The following ZNF845 variants were observed in gnomAD, a reference collection of about 807,000 sequenced individuals.
ZNF845 encodes zinc finger protein 845.
ZNF845 carries 59 observed loss-of-function variants against 76.1 expected under a neutral mutation model. The ratio of observed to expected loss-of-function variants is 0.78; its 90% CI spans 0.63 to 0.96. The LOEUF (loss-of-function observed/expected upper bound fraction) is 0.96. ZNF845 is among the 40% of genes least tolerant of loss of function. ZNF845 has a pLI of 0.00. For missense variants in ZNF845, 1,045 were observed against 1,172.8 expected, an observed-to-expected ratio of 0.89 and a Z score of 1.59; for synonymous variants, 361 against 386.9, an observed-to-expected ratio of 0.93 and a Z score of 0.78.
chr19:53,343,305 C>G (rs1164309938), intron 2 of ZNF845, among the ~76,000 whole-genome samples: 1 of 152,212 alleles, frequency 6.6e-6, no homozygotes, highest in Non-Finnish European at 1.5e-5. Flanking sequence ...TTGACATCTG[C>G]ATTAGAAATT....
rs1021325910 is a variant in ZNF845, at chr19:53,355,467, G to T, written c.*1879G>T. On this transcript the variant is annotated 3_prime_UTR_variant, in exon 4 of 4. Coordinates refer to ENST00000458035, the MANE Select transcript of ZNF845 (RefSeq NM_138374.3). The stretch of plus-strand genomic sequence containing the variant: ...GGGGTTTCACCATGTTGGCCCAGAT[G>T]GTGGGCCAACATGGTGAGTACCTTG... 6.6e-6 allele frequency: 1 copy of T among 151,572 alleles called. No homozygotes were observed. The highest frequency in any genetic ancestry group is 2.4e-5 in the African/African-American group (1 of 41,248). 9.4% of individuals were successfully genotyped at this position (151,572 alleles called of 1,614,324 possible). A position where few individuals can be genotyped will look rare whatever the true frequency, so the allele number is the denominator to read the frequency against.
intron 1 of ZNF845, among the ~76,000 whole-genome samples, chr19:53,334,578 G>A (rs7343177): frequency 0.4 from 60,716 of 151,408 alleles, 12,298 homozygotes; most frequent in East Asian, 0.44. Flanking sequence ...TGAGAGATAT[G>A]TACAGAATTA....
rs752222983 is a variant in ZNF845 at position 53,352,634 on chromosome 19, T to A, written c.1959T>A (p.His653Gln). ...GTTTCAAATCAAACCTTCAAAGACA[T>A]AGGAGAATTCATACTGGAGAGAAAC... ...AFSFKSNLQR[H>Q]RRIHTGEKPY... is the part of the protein sequence containing the mutation. Residue 653 changes from histidine to glutamine, a missense_variant, in exon 4 of 4, where the codon CAT becomes CAA. By Grantham distance (24) the His-to-Gln change is conservative. Transcript: ENST00000458035. The A allele has an allele frequency of 1.9e-6, 3 of 1,613,414 alleles. No homozygotes were observed. The highest frequency in any genetic ancestry group is 2.5e-6 in the Non-Finnish European group (3 of 1,179,830).
At position 53,352,322 on chromosome 19, in the gene ZNF845, A is replaced by T. The variant is rs748481021; in HGVS notation, c.1647A>T (p.Lys549Asn). 13 of 1,613,750 alleles carry T rather than the reference A, an allele frequency of 8.1e-6. No individual in the cohort carries two copies. The highest frequency in any genetic ancestry group is 1.0e-5 in the Non-Finnish European group (12 of 1,179,924). ...TRHCRLHTGEKPYQCNECGKA... is the reference protein window; with the variant it reads ...TRHCRLHTGENPYQCNECGKA... ...ATTGTAGACTTCATACTGGAGAGAA[A>T]CCTTACCAGTGTAATGAGTGTGGCA... Residue 549 changes from lysine to asparagine, a missense_variant, in exon 4 of 4, where the codon AAA (lysine) becomes AAT (asparagine). By Grantham distance (94) the Lys-to-Asn change is moderately conservative (BLOSUM62 0). Transcript: ENST00000458035.
intron 1 of ZNF845, among the ~76,000 whole-genome samples, chr19:53,335,306 G>A (rs1336084181): frequency 1.3e-5 from 2 of 152,138 alleles, no homozygotes; most frequent in Non-Finnish European, 2.9e-5. Flanking sequence ...TGTCGCCCAG[G>A]CTGGGGTGCA....
At position 53,352,211 on chromosome 19, in the gene ZNF845, A is replaced by G. The variant is rs772543681; in HGVS notation, c.1536A>G (p.Arg512=). Residue 512 remains arginine, a synonymous_variant, in exon 4 of 4, where the codon AGA becomes AGG. Coordinates refer to ENST00000458035, the MANE Select transcript of ZNF845 (RefSeq NM_138374.3). ...EAFSFKSNLE[R]HRIIHTGEKL... ...TCAGTTTCAAATCAAACCTTGAAAG[A>G]CATAGGATAATTCATACTGGAGAGA... 36 of 1,613,694 alleles carry G rather than the reference A, an allele frequency of 2.2e-5. No homozygotes were observed. The highest frequency in any genetic ancestry group is 3.0e-5 in the Non-Finnish European group (35 of 1,179,870).
intron 1 of ZNF845, among the ~76,000 whole-genome samples, chr19:53,334,110 C>T (rs1381624736): frequency 6.6e-6 from 1 of 152,236 alleles, no homozygotes; most frequent in African/African-American, 2.4e-5. Context: ...CGGATTCCCG[C>T]CCTTGGCGCC....
chr19:53,350,292 C>T (rs1281283074), intron 3 of ZNF845, among the ~76,000 whole-genome samples: 1 of 151,984 alleles, frequency 6.6e-6, no homozygotes, highest in Admixed American at 6.5e-5. Context: ...GGCCACCACG[C>T]CTTGCTTAAT....
At chr19:53,347,357 A>G (rs28427515) in intron 3 of ZNF845, among the ~76,000 whole-genome samples, 57,269 of 146,968 alleles carry the variant, frequency 0.39, 11,154 homozygotes, top group East Asian at 0.5. Context: ...GCTAACTCCA[A>G]CCTTTGCCTC....
Position 53,351,403 on chromosome 19 carries a change from A to G in ZNF845, c.728A>G (p.Tyr243Cys), listed in dbSNP as rs757571917. 3.1e-6 allele frequency: 5 copies of G among 1,614,118 alleles called. No individual in the cohort carries two copies. In the African/African-American group the frequency reaches 4.0e-5, roughly 13 times the overall value. ...HQIIHLGAKQ[Y>C]KCDVCGKVFN... Reference sequence around the variant, plus strand: ...ATAATCCATTTAGGAGCGAAACAATATAAATGTGATGTGTGTGGCAAGGTC... The same window carrying G: ...ATAATCCATTTAGGAGCGAAACAATGTAAATGTGATGTGTGTGGCAAGGTC... The change falls in exon 4 of 4, where the codon TAT becomes TGT. Residue 243 changes from tyrosine (Y) to cysteine (C), a missense_variant. Tyr to Cys is a radical substitution (Grantham distance 194, BLOSUM62 -2). Transcript: ENST00000458035.
intron 3 of ZNF845, among the ~76,000 whole-genome samples, chr19:53,346,885 CTTAT>C (rs10643449): frequency 2.0e-5 from 3 of 151,386 alleles, no homozygotes; most frequent in African/African-American, 7.3e-5. Flanking sequence ...CTTTTATTTG[CTTAT>C]TTATTTATTT....
At position 53,353,418 on chromosome 19, in the gene ZNF845, T is replaced by C. The variant is rs766473546; in HGVS notation, c.2743T>C (p.Tyr915His). ...HHRIHTGEKP[Y>H]KCNECGKTFR... ...TAGAATTCATACTGGAGAGAAACCT[T>C]ACAAGTGTAATGAGTGTGGCAAAAC... The change falls in exon 4 of 4, where the codon TAC becomes CAC. Residue 915 changes from tyrosine (Y) to histidine (H), a missense_variant. Physicochemically the swap from Tyr to His is moderately conservative, Grantham distance 83. Coordinates refer to ENST00000458035, the MANE Select transcript of ZNF845 (RefSeq NM_138374.3). 2 of 1,613,750 alleles carry C rather than the reference T, an allele frequency of 1.2e-6. No homozygotes were observed. The highest frequency in any genetic ancestry group is 3.3e-5 in the Admixed American group (2 of 59,974).
rs374069306 is a variant in ZNF845 at position 53,345,855 on chromosome 19, G to GTTT, written c.142+236_142+238dup. 3.0e-5 allele frequency among the ~76,000 whole-genome samples: 4 copies of GTTT among 135,462 alleles called. No individual in the cohort carries two copies. In the East Asian group the frequency reaches 6.3e-4, roughly 21 times the overall value. The allele number at this position is 135,462 out of a possible 152,430, so 88.9% of individuals were successfully genotyped here. ...GCCACTATGCCGGGCTACTTTTTTA[G>GTTT]TTTTTTTTTTTTTTTGTAGTTGTTG... On this transcript the variant is annotated intron_variant, in intron 3 of 3. Transcript: ENST00000458035.
At chr19:53,344,853 A>G (rs977039078) in intron 2 of ZNF845, among the ~76,000 whole-genome samples, 2 of 151,874 alleles carry the variant, frequency 1.3e-5, no homozygotes, top group African/African-American at 4.8e-5. Context: ...TGGTCAGGCA[A>G]GTCTTGAACT....
In ZNF845 at chr19:53,354,245, T is replaced by G; in HGVS notation, c.*657T>G. The G allele has an allele frequency of 2.0e-6, 1 of 491,344 alleles. No individual in the cohort carries two copies. Among genetic ancestry groups the G allele is most frequent in the South Asian group, 1.5e-5 (1 of 64,710 alleles). The allele number at this position is 491,344 out of a possible 1,614,324, so 30.4% of individuals were successfully genotyped here. A position where few individuals can be genotyped will look rare whatever the true frequency, so the allele number is the denominator to read the frequency against. On this transcript the variant is annotated 3_prime_UTR_variant, in exon 4 of 4. Transcript: ENST00000458035. ...AACATCAGAAAATTCATTTTTGAGA[T>G]GATTGTTCCAAATGCAATGAGTATA...
At position 53,354,261 on chromosome 19, in the gene ZNF845, A is replaced by C. The variant is rs1288643312; in HGVS notation, c.*673A>C. 4.2e-6 allele frequency: 2 copies of C among 477,248 alleles called. No individual in the cohort carries two copies. The highest frequency in any genetic ancestry group is 8.6e-6 in the Non-Finnish European group (2 of 233,288). 29.6% of individuals were successfully genotyped at this position (477,248 alleles called of 1,614,324 possible). On this transcript the variant is annotated 3_prime_UTR_variant, in exon 4 of 4. Coordinates refer to ENST00000458035, the MANE Select transcript of ZNF845 (RefSeq NM_138374.3). ...TTTTTGAGATGATTGTTCCAAATGC[A>C]ATGAGTATAGCAAACCATCAAGCAT...
chr19:53,341,187 G>A (rs903030348), intron 1 of ZNF845, 48 bp from the exon 2 acceptor site: 81 of 1,436,252 alleles, frequency 5.6e-5, no homozygotes, highest in Non-Finnish European at 7.3e-5. Context: ...TGTTAACGGA[G>A]GGGGTGTGTT....
chr19:53,356,386 A>C lies in ZNF845; in HGVS notation c.*2798A>C, dbSNP rs1056309161. 2.6e-5 allele frequency: 4 copies of C among 152,284 alleles called. No homozygotes were observed. Among genetic ancestry groups the C allele is most frequent in the African/African-American group, 9.6e-5 (4 of 41,538 alleles). The allele number at this position is 152,284 out of a possible 1,614,324, so 9.4% of individuals were successfully genotyped here. ...ACCTCTTCTCTGCTAAAAGTAAAAA[A>C]AGTCAGCCAGGTGTGGTGGTGCACT... On this transcript the variant is annotated 3_prime_UTR_variant, in exon 4 of 4. Transcript: ENST00000458035.
chr19:53,340,971 T>C, intron 1 of ZNF845: 1 of 458,452 alleles, frequency 2.2e-6, no homozygotes, highest in Non-Finnish European at 3.9e-6. Flanking sequence ...GATATCACCT[T>C]CTCAGTGGGG....
Sources: allele counts gnomAD v4.1 joint callset (sites outside exome capture counted in the v4.1 genomes callset), GRCh38; gene constraint gnomAD v4.1.1; transcripts MANE v1.5; gene names NCBI Gene and HGNC (gene_info 2026-07-23, HGNC 2026-07-21).